Variants in ROBO2 observed in about 807,000 individuals in gnomAD.
The protein encoded by ROBO2 is roundabout guidance receptor 2.
ROBO2 carries 53 observed loss-of-function variants against 160.8 expected under a neutral mutation model. That is an observed-to-expected ratio of 0.33 (90% CI 0.26 to 0.41). The LOEUF (loss-of-function observed/expected upper bound fraction) is 0.41. Ranked by LOEUF, ROBO2 falls within the 10% of genes least tolerant of loss-of-function variation. The pLI, the probability that ROBO2 is intolerant of heterozygous loss-of-function variation, is 1.00. For synonymous variants in ROBO2, 664 were observed against 611.7 expected, an observed-to-expected ratio of 1.09 and a Z score of -1.26; for missense variants, 1,577 against 1,722.4, an observed-to-expected ratio of 0.92 and a Z score of 1.49.
intron 2 of ROBO2, among the ~76,000 whole-genome samples, chr3:77,406,927 G>T (rs2076298698): frequency 6.6e-6 from 1 of 152,064 alleles, no homozygotes; most frequent in African/African-American, 2.4e-5. Context: ...TTCGAGTTCA[G>T]GTTGCACTAA....
chr3:77,552,847 A>G (rs1362474717), intron 8 of ROBO2, among the ~76,000 whole-genome samples: 1 of 151,952 alleles, frequency 6.6e-6, no homozygotes, highest in Non-Finnish European at 1.5e-5. Context: ...TTCTACCCAT[A>G]GTTTTGATTT....
intron 2 of ROBO2, among the ~76,000 whole-genome samples, chr3:76,267,754 A>C (rs1288961802): frequency 6.6e-6 from 1 of 152,178 alleles, no homozygotes; most frequent in Non-Finnish European, 1.5e-5. Flanking sequence ...TACTTTAATG[A>C]TTCTTAATGG....
intron 2 of ROBO2, among the ~76,000 whole-genome samples, chr3:77,231,759 C>A (rs1371792323): frequency 2.6e-5 from 4 of 152,082 alleles, no homozygotes; most frequent in Admixed American, 2.0e-4. Flanking sequence ...GACTTTGATA[C>A]CTCTATTTGT....
At chr3:75,977,374 C>T (rs1284868825) in intron 2 of ROBO2, among the ~76,000 whole-genome samples, 4 of 151,378 alleles carry the variant, frequency 2.6e-5, no homozygotes, top group Admixed American at 6.6e-5. Context: ...TAATACTTGT[C>T]GGAAATATTT....
chr3:77,065,342 T>G (rs1405937292), intron 1 of ROBO2, among the ~76,000 whole-genome samples: 1 of 152,190 alleles, frequency 6.6e-6, no homozygotes, highest in African/African-American at 2.4e-5. Flanking sequence ...GGAAATAAAT[T>G]TTGTCTTTTT....
chr3:76,721,713 G>C (rs1164105975), intron 2 of ROBO2, among the ~76,000 whole-genome samples: 1 of 152,146 alleles, frequency 6.6e-6, no homozygotes, highest in African/African-American at 2.4e-5. Context: ...ATGTACTGCT[G>C]TTTCTACCAC....
chr3:76,037,384 A>G (rs1042700532), intron 2 of ROBO2, among the ~76,000 whole-genome samples: 2 of 151,168 alleles, frequency 1.3e-5, no homozygotes, highest in African/African-American at 4.9e-5. Flanking sequence ...CAGCCTCCCA[A>G]GCAGCTGGGA....
chr3:76,119,862 C>CCCTCCCCTT (rs2070647106), intron 2 of ROBO2, among the ~76,000 whole-genome samples: 1 of 148,290 alleles, frequency 6.7e-6, no homozygotes, highest in Non-Finnish European at 1.5e-5. Context: ...CTCTCTCTCT[C>CCCTCCCCTT]CCTCCCCTTC....
At chr3:77,233,731 T>A (rs2087543781) in intron 2 of ROBO2, among the ~76,000 whole-genome samples, 1 of 150,812 alleles carries the variant, frequency 6.6e-6, no homozygotes, top group African/African-American at 2.4e-5. Context: ...CATATACTGA[T>A]GTTTATATCA....
At chr3:76,094,190 C>A (rs529515794) in intron 2 of ROBO2, among the ~76,000 whole-genome samples, 1 of 152,036 alleles carries the variant, frequency 6.6e-6, no homozygotes, top group African/African-American at 2.4e-5. Flanking sequence ...AAGAAATACA[C>A]CCCTCAGAAA....
At chr3:76,146,853 TC>T (rs1156331539) in intron 2 of ROBO2, among the ~76,000 whole-genome samples, 1 of 139,422 alleles carries the variant, frequency 7.2e-6, no homozygotes, top group Non-Finnish European at 1.6e-5. Flanking sequence ...GATACCCACC[TC>T]TCCCCTCCAC....
At chr3:76,260,440 A>T (rs1209982614) in intron 2 of ROBO2, among the ~76,000 whole-genome samples, 2 of 152,160 alleles carry the variant, frequency 1.3e-5, no homozygotes, top group African/African-American at 4.8e-5. Context: ...AAATTTGAGG[A>T]AGACTAAAAA....
At chr3:76,033,803 GA>G (rs1323721549) in intron 2 of ROBO2, among the ~76,000 whole-genome samples, 1 of 152,086 alleles carries the variant, frequency 6.6e-6, no homozygotes, top group African/African-American at 2.4e-5. Flanking sequence ...CTGTTGTCTG[GA>G]ACACCATGGG....
chr3:77,024,976 G>GT (rs1174828436), intron 2 of ROBO2, among the ~76,000 whole-genome samples: 8 of 149,770 alleles, frequency 5.3e-5, no homozygotes, highest in East Asian at 2.0e-4. Context: ...TTTTTTGTTT[G>GT]TTTTTTGTTT....
chr3:77,565,106 C>T lies in ROBO2; in HGVS notation c.1835C>T (p.Pro612Leu), dbSNP rs777242020. The change falls in exon 12 of 26, where the codon CCT becomes CTT. Residue 612 changes from proline (P) to leucine (L), a missense_variant. This residue lies in a region of ROBO2 where 940 missense variants were observed against 1,135.5 expected (regional missense o/e 0.83). Coordinates refer to ENST00000461745, the Ensembl canonical transcript of ROBO2. The stretch of plus-strand genomic sequence containing the variant: ...AGTGACCCAAGTCCCATGTCAGATC[C>T]TGTGCGCACACAAGGTACTTTCAAC... 3.7e-6 allele frequency: 6 copies of T among 1,613,510 alleles called. No individual in the cohort carries two copies. The South Asian group carries it at 6.6e-5, about 18-fold the overall frequency.
chr3:76,102,069 G>A (rs867222098), intron 2 of ROBO2, among the ~76,000 whole-genome samples: 1 of 151,144 alleles, frequency 6.6e-6, no homozygotes, highest in Non-Finnish European at 1.5e-5. Context: ...TGTACCCCGG[G>A]GTGTGATGTT....
At chr3:76,908,978 C>T (rs948598493) in intron 2 of ROBO2, among the ~76,000 whole-genome samples, 2 of 152,086 alleles carry the variant, frequency 1.3e-5, no homozygotes, top group African/African-American at 2.4e-5. Context: ...CTGTAATTCC[C>T]GCACTTTGGG....
intron 2 of ROBO2, among the ~76,000 whole-genome samples, chr3:76,114,530 T>C (rs927450956): frequency 4.6e-5 from 7 of 152,298 alleles, no homozygotes; most frequent in African/African-American, 1.4e-4. Flanking sequence ...ATATGCCTTA[T>C]TTCATGTACT....
chr3:77,042,360 T>C (rs1224003804), intron 1 of ROBO2, among the ~76,000 whole-genome samples: 3 of 152,244 alleles, frequency 2.0e-5, no homozygotes, highest in African/African-American at 7.2e-5. Context: ...TTGATTTTCA[T>C]GATAAGAAGA....
Sources: allele counts gnomAD v4.1 joint callset (sites outside exome capture counted in the v4.1 genomes callset), GRCh38; gene constraint gnomAD v4.1.1; regional missense constraint gnomAD v4.1.1; transcripts MANE v1.5; gene names NCBI Gene and HGNC (gene_info 2026-07-23, HGNC 2026-07-21).